FGF12: variants seen among roughly 807,000 people sequenced by gnomAD.
FGF12 encodes the protein fibroblast growth factor 12, also known as fibroblast growth factor 12B.
In FGF12, 14 loss-of-function variants were observed where a neutral mutation model predicts 23.6. The observed-to-expected ratio is 0.59, with a 90% CI of 0.39 to 0.93. FGF12 has a LOEUF of 0.93. Among genes scored for constraint, FGF12 ranks in the 40% least tolerant of loss-of-function variants. The pLI, the probability that FGF12 is intolerant of heterozygous loss-of-function variation, is 0.00. For synonymous variants in FGF12, 62 were observed against 77.3 expected (o/e 0.80, Z 1.04); for missense variants, 175 against 217.8 (o/e 0.80, Z 1.24).
At chr3:192,149,407 G>A (rs1047162136) in intron 5 of FGF12, among the ~76,000 whole-genome samples, 111 of 144,608 alleles carry the variant, frequency 7.7e-4, no homozygotes, top group African/African-American at 2.7e-3. Context: ...CTGGTGCACT[G>A]CACCCACTAA....
intron 2 of FGF12, among the ~76,000 whole-genome samples, chr3:192,650,515 T>C (rs886633627): frequency 6.6e-6 from 1 of 152,210 alleles, no homozygotes; most frequent in African/African-American, 2.4e-5. Flanking sequence ...CTTGTACTTG[T>C]GCCAACCCTA....
chr3:192,394,957 G>C (rs1414991455), intron 2 of FGF12, among the ~76,000 whole-genome samples: 2 of 152,204 alleles, frequency 1.3e-5, no homozygotes, highest in Admixed American at 6.5e-5. Flanking sequence ...AGTGAACCCA[G>C]AGTGAATATG....
chr3:192,677,512 T>TTCTAATCA (rs1717370175), intron 2 of FGF12, among the ~76,000 whole-genome samples: 1 of 152,214 alleles, frequency 6.6e-6, no homozygotes, highest in Non-Finnish European at 1.5e-5. Flanking sequence ...TATGAATATT[T>TTCTAATCA]TCTAATCATT....
intron 2 of FGF12, among the ~76,000 whole-genome samples, chr3:192,716,531 A>G (rs1388546395): frequency 6.6e-6 from 1 of 152,250 alleles, no homozygotes; most frequent in Non-Finnish European, 1.5e-5. Flanking sequence ...GCTGCATGGC[A>G]TTCTCTGGTT....
intron 4 of FGF12, among the ~76,000 whole-genome samples, chr3:192,247,519 A>G (rs1711703701): frequency 6.6e-6 from 1 of 152,212 alleles, no homozygotes. Flanking sequence ...TCAAAAGAGC[A>G]TAAGGAGAGA....
chr3:192,544,423 A>T (rs563820520), intron 2 of FGF12, among the ~76,000 whole-genome samples: 8 of 152,256 alleles, frequency 5.3e-5, no homozygotes, highest in Non-Finnish European at 1.0e-4. Context: ...TCTTGCTGGG[A>T]GGACAATCAG....
At chr3:192,476,665 AG>A (rs1723336295) in intron 2 of FGF12, among the ~76,000 whole-genome samples, 1 of 152,232 alleles carries the variant, frequency 6.6e-6, no homozygotes, top group South Asian at 2.1e-4. Context: ...AGAACAAAGA[AG>A]CAAAATGGCT....
chr3:192,696,781 T>C (rs896491857), intron 2 of FGF12, among the ~76,000 whole-genome samples: 1 of 152,052 alleles, frequency 6.6e-6, no homozygotes, highest in Admixed American at 6.6e-5. Flanking sequence ...TAGGTCTGTG[T>C]GGGGCATTTC....
At chr3:192,297,621 G>C (rs1331776033) in intron 4 of FGF12, among the ~76,000 whole-genome samples, 3 of 152,142 alleles carry the variant, frequency 2.0e-5, no homozygotes, top group Non-Finnish European at 4.4e-5. Context: ...CATTTGCAAA[G>C]TGCTTTAAAA....
At chr3:192,156,353 T>G (rs975139814) in intron 5 of FGF12, among the ~76,000 whole-genome samples, 1 of 152,226 alleles carries the variant, frequency 6.6e-6, no homozygotes, top group African/African-American at 2.4e-5. Context: ...TAGTTAACTA[T>G]GTCTCACTCA....
rs576452686 is a variant in FGF12 at position 192,463,419 on chromosome 3, CA to C, written c.14-102882del. ...TGGGTGACAGAGTGAGACTCTGTCTCAAAAAAAAAGTTGTTGTTGTCGTTGT... is the reference window on the plus strand; with the variant it reads ...TGGGTGACAGAGTGAGACTCTGTCTCAAAAAAAAGTTGTTGTTGTCGTTGT... On this transcript the variant is annotated intron_variant, in intron 2 of 5. Transcript: ENST00000445105. 9.0e-3 allele frequency among the ~76,000 whole-genome samples: 1,334 copies of C among 148,972 alleles called. 18 individuals carry two copies. The highest frequency in any genetic ancestry group is 0.03 in the African/African-American group (1,221 of 40,628).
intron 5 of FGF12, among the ~76,000 whole-genome samples, chr3:192,148,083 C>A (rs1297531314): frequency 1.3e-5 from 2 of 152,084 alleles, no homozygotes; most frequent in Non-Finnish European, 2.9e-5. Flanking sequence ...ACGGATGTAC[C>A]ATATGATCCA....
At chr3:192,159,211 C>T (rs1263507688) in intron 5 of FGF12, among the ~76,000 whole-genome samples, 6 of 152,162 alleles carry the variant, frequency 3.9e-5, no homozygotes, top group African/African-American at 1.4e-4. Flanking sequence ...ACTTATTTCT[C>T]ACTGTTTCAC....
intron 3 of FGF12, among the ~76,000 whole-genome samples, chr3:192,352,561 C>G (rs528866102): frequency 5.3e-5 from 8 of 152,322 alleles, no homozygotes; most frequent in Admixed American, 2.0e-4. Flanking sequence ...ATAATAATAG[C>G]TGCCACTGCT....
At chr3:192,570,688 C>T (rs887259075) in intron 2 of FGF12, among the ~76,000 whole-genome samples, 9 of 152,006 alleles carry the variant, frequency 5.9e-5, no homozygotes, top group Admixed American at 2.0e-4. Context: ...ATGCAGATCC[C>T]CAAACTTCAC....
chr3:192,641,912 T>C (rs939229899), intron 2 of FGF12, among the ~76,000 whole-genome samples: 3 of 152,190 alleles, frequency 2.0e-5, no homozygotes, highest in East Asian at 1.9e-4. Context: ...GCCTGAAATA[T>C]TTCTATCTGA....
chr3:192,437,549 G>A (rs556527962), intron 2 of FGF12, among the ~76,000 whole-genome samples: 3 of 152,108 alleles, frequency 2.0e-5, no homozygotes, highest in South Asian at 2.1e-4. Context: ...ACCATTAGCC[G>A]GGTGTGGTGG....
At chr3:192,373,911 A>G (rs1719356392) in intron 2 of FGF12, among the ~76,000 whole-genome samples, 1 of 152,222 alleles carries the variant, frequency 6.6e-6, no homozygotes, top group Non-Finnish European at 1.5e-5. Context: ...AGGATTCAAT[A>G]CAGCAAGGAT....
At chr3:192,567,714 T>A (rs1712365499) in intron 2 of FGF12, among the ~76,000 whole-genome samples, 1 of 152,076 alleles carries the variant, frequency 6.6e-6, no homozygotes, top group South Asian at 2.1e-4. Flanking sequence ...CCTCCATTTT[T>A]ACATGGTCTT....
Sources: allele counts gnomAD v4.1 joint callset (sites outside exome capture counted in the v4.1 genomes callset), GRCh38; gene constraint gnomAD v4.1.1; transcripts MANE v1.5; gene names NCBI Gene and HGNC (gene_info 2026-07-23, HGNC 2026-07-21).